The following TNS3 variants were observed in gnomAD, a reference collection of about 807,000 sequenced individuals.
TNS3 encodes tensin 3.
In TNS3, 45 loss-of-function variants were observed where a neutral mutation model predicts 140.9. The ratio of observed to expected loss-of-function variants is 0.32; its 90% CI spans 0.25 to 0.41. The LOEUF (loss-of-function observed/expected upper bound fraction) is 0.41. TNS3 is among the 10% of genes least tolerant of loss of function. The pLI, the probability that TNS3 is intolerant of heterozygous loss-of-function variation, is 1.00. For synonymous variants in TNS3, 815 were observed against 788.4 expected (o/e 1.03, Z -0.56); for missense variants, 1,716 against 1,906.7 (o/e 0.90, Z 1.86).
intron 7 of TNS3, among the ~76,000 whole-genome samples, chr7:47,435,772 T>A (rs1352929854): frequency 2.0e-5 from 3 of 152,056 alleles, no homozygotes; most frequent in Non-Finnish European, 2.9e-5. Flanking sequence ...CCCACTCGGG[T>A]TAAAATCCCA....
At chr7:47,433,183 T>G (rs1453401521) in intron 8 of TNS3, among the ~76,000 whole-genome samples, 1 of 152,188 alleles carries the variant, frequency 6.6e-6, no homozygotes, top group East Asian at 1.9e-4. Flanking sequence ...ACGCTAGAAA[T>G]TCCTGGCATG....
At chr7:47,436,717 CTT>C (rs953182547) in intron 7 of TNS3, among the ~76,000 whole-genome samples, 8 of 152,130 alleles carry the variant, frequency 5.3e-5, no homozygotes, top group East Asian at 3.9e-4. Flanking sequence ...TGTTTTGTCT[CTT>C]GTTTGTGGTG....
In TNS3 at chr7:47,399,200, T is replaced by A. The variant is rs147473690; in HGVS notation, c.919+1193A>T. Among the ~76,000 whole-genome samples, 970 of 150,464 alleles carry A rather than the reference T, an allele frequency of 6.4e-3. 5 individuals are homozygous for A. The highest frequency in any genetic ancestry group is 0.022 in the African/African-American group (898 of 40,844). On this transcript the variant is annotated intron_variant, in intron 15 of 30. Coordinates refer to ENST00000311160, the MANE Select transcript of TNS3 (RefSeq NM_022748.12). ...AATGACACAAACAAGTGGAAACACA[T>A]CCCATGCTCATGGATTGGAAGAATC... is the stretch of plus-strand genomic sequence containing the variant.
chr7:47,557,748 C>G (rs1428001911), intron 1 of TNS3, among the ~76,000 whole-genome samples: 1 of 152,210 alleles, frequency 6.6e-6, no homozygotes, highest in Non-Finnish European at 1.5e-5. Flanking sequence ...GGGGTGGCCA[C>G]TAGCATGTAG....
intron 17 of TNS3, among the ~76,000 whole-genome samples, chr7:47,357,328 T>C (rs1790050557): frequency 6.6e-6 from 1 of 152,070 alleles, no homozygotes; most frequent in Admixed American, 6.6e-5. Context: ...TGAAAACAAA[T>C]AACAGGCAAA....
rs748272175 is a variant in TNS3, at chr7:47,368,560, C to T, written c.2086G>A (p.Asp696Asn). The T allele has an allele frequency of 3.9e-5, 62 of 1,571,678 alleles. No individual in the cohort carries two copies. Among genetic ancestry groups the T allele is most frequent in the South Asian group, 3.3e-4 (28 of 84,802 alleles). ...CTGTTGAGCTGCTCGATGGACTGGT[C>T]GATGTCCAGGGTGGGCGAGCCTGGG... ...PSPGSPTLDI[D>N]QSIEQLNRLI... Residue 696 changes from aspartate to asparagine, a missense_variant, in exon 17 of 31, where the codon GAC becomes AAC. Asp to Asn is a conservative substitution (Grantham distance 23, BLOSUM62 1). Around this residue, in one of 3 missense-constraint regions of TNS3, gnomAD observed 1,163 missense variants for 1,182.1 expected, o/e 0.98. Coordinates refer to ENST00000311160, the MANE Select transcript of TNS3 (RefSeq NM_022748.12).
At chr7:47,280,038 T>A (rs1235519239) in intron 30 of TNS3, 126 bp downstream of exon 30, 3 of 1,166,248 alleles carry the variant, frequency 2.6e-6, no homozygotes, top group Admixed American at 4.5e-5. Context: ...TTTTCTTTTT[T>A]AAAAGAAATT....
chr7:47,404,037 G>C (rs1793305536), intron 13 of TNS3, among the ~76,000 whole-genome samples: 1 of 152,226 alleles, frequency 6.6e-6, no homozygotes, highest in Non-Finnish European at 1.5e-5. Flanking sequence ...TCTCCCCAGA[G>C]TGTTTCTAGA....
At chr7:47,569,301 G>C (rs1456366169) in intron 1 of TNS3, among the ~76,000 whole-genome samples, 1 of 152,220 alleles carries the variant, frequency 6.6e-6, no homozygotes, top group African/African-American at 2.4e-5. Context: ...CGAGCACTTT[G>C]GGAGGCCGAG....
intron 23 of TNS3, among the ~76,000 whole-genome samples, chr7:47,301,706 C>T (rs952936622): frequency 1.3e-5 from 2 of 151,140 alleles, no homozygotes; most frequent in African/African-American, 4.9e-5. Context: ...GTGAGGCATG[C>T]GGCTAAGTCC....
At chr7:47,420,599 C>T (rs893683472) in intron 10 of TNS3, among the ~76,000 whole-genome samples, 27 of 152,254 alleles carry the variant, frequency 1.8e-4, no homozygotes, top group Non-Finnish European at 1.3e-4. Flanking sequence ...GGAAGAATCA[C>T]GGGAAAGGGG....
At chr7:47,488,671 A>G (rs1450603874) in intron 3 of TNS3, among the ~76,000 whole-genome samples, 1 of 152,184 alleles carries the variant, frequency 6.6e-6, no homozygotes, top group East Asian at 1.9e-4. Flanking sequence ...GGACTTCAAC[A>G]TTTGAATTTG....
intron 20 of TNS3, among the ~76,000 whole-genome samples, chr7:47,328,246 C>T (rs942235462): frequency 2.0e-5 from 3 of 152,190 alleles, no homozygotes; most frequent in African/African-American, 7.2e-5. Flanking sequence ...GGAAAGAATC[C>T]CGGGATTGTT....
At chr7:47,552,392 C>T (rs1417823268) in intron 1 of TNS3, among the ~76,000 whole-genome samples, 2 of 152,178 alleles carry the variant, frequency 1.3e-5, no homozygotes, top group African/African-American at 2.4e-5. Flanking sequence ...TTGTGCTTTG[C>T]TTTATTGAAC....
chr7:47,287,853 C>A (rs537535930), intron 27 of TNS3, among the ~76,000 whole-genome samples: 31 of 152,278 alleles, frequency 2.0e-4, no homozygotes, highest in Non-Finnish European at 4.1e-4. Context: ...ATACAAACTC[C>A]AAGTTCTGAA....
At chr7:47,418,506 G>A (rs1166628657) in intron 10 of TNS3, among the ~76,000 whole-genome samples, 1 of 152,154 alleles carries the variant, frequency 6.6e-6, no homozygotes, top group Non-Finnish European at 1.5e-5. Context: ...AAAATAAAAT[G>A]TTCCTACTTA....
chr7:47,341,902 T>A (rs1455392654), intron 20 of TNS3, among the ~76,000 whole-genome samples: 1 of 152,106 alleles, frequency 6.6e-6, no homozygotes. Context: ...CAATTTTTGA[T>A]ATTTTATCCT....
At chr7:47,452,843 C>A in intron 4 of TNS3, 3 of 862,082 alleles carry the variant, frequency 3.5e-6, no homozygotes, top group Non-Finnish European at 4.2e-6. Context: ...CAGCCAGTAC[C>A]GGAGGCCACA....
chr7:47,451,497 C>T (rs1422184892), intron 4 of TNS3, among the ~76,000 whole-genome samples: 1 of 151,468 alleles, frequency 6.6e-6, no homozygotes, highest in Admixed American at 6.6e-5. Flanking sequence ...AGGAAAATCG[C>T]TCAAACCCAG....
Sources: allele counts gnomAD v4.1 joint callset (sites outside exome capture counted in the v4.1 genomes callset), GRCh38; gene constraint gnomAD v4.1.1; regional missense constraint gnomAD v4.1.1; transcripts MANE v1.5; gene names NCBI Gene and HGNC (gene_info 2026-07-23, HGNC 2026-07-21).